The following XIST variants were observed in gnomAD, a reference collection of about 807,000 sequenced individuals.
The protein encoded by XIST is X inactive specific transcript (non-protein coding).
At chrX:73,850,355 T>A (rs1278171772) in exon 1 of XIST, 2 of 536,794 alleles carry the variant, frequency 3.7e-6, no homozygotes, top group Non-Finnish European at 6.7e-6. Context: ...AAAAACTCAT[T>A]AAATGTAATT....
chrX:73,845,155 C>T (rs755278913), exon 1 of XIST: 2 of 555,050 alleles, frequency 3.6e-6, no homozygotes, highest in Admixed American at 2.2e-5. Context: ...CAATTGTGCA[C>T]CTTGACTGTC....
exon 1 of XIST, chrX:73,850,215 C>T (rs1320416862): frequency 3.7e-6 from 2 of 547,644 alleles, no homozygotes; most frequent in African/African-American, 2.3e-5. Context: ...AAGTCAATTT[C>T]AAAGAAAATG....
At chrX:73,842,512 T>A (rs1466617882) in exon 1 of XIST, 6 of 555,286 alleles carry the variant, frequency 1.1e-5, no homozygotes, top group Non-Finnish European at 1.9e-5. Flanking sequence ...AGAAAATGAG[T>A]GAAGGCTTAT....
exon 1 of XIST, chrX:73,852,215 G>C (rs1168190152): frequency 1.8e-5 from 10 of 543,742 alleles, no homozygotes; most frequent in Non-Finnish European, 3.3e-5. Context: ...GTTCAGAGGG[G>C]AAGGGAATCA....
At chrX:73,826,353 G>A (rs1489118693) in exon 6 of XIST, 1 of 557,240 alleles carries the variant, frequency 1.8e-6, no homozygotes, top group Non-Finnish European at 3.2e-6. Flanking sequence ...TGCTCCTGAG[G>A]GAAGTTAACA....
chrX:73,851,471 A>G (rs1159070400), exon 1 of XIST: 1 of 557,163 alleles, frequency 1.8e-6, no homozygotes, highest in Non-Finnish European at 3.2e-6. Context: ...CCACTTGAAC[A>G]CTGCGACAGA....
rs975946158 is a variant in XIST at position 73,824,682 on chromosome X, T to C, written n.15219A>G. The stretch of plus-strand genomic sequence containing the variant: ...ATCAAATTTTTCATTTACAAGTGCT[T>C]TATAATTTAGAAAGCACATTCGCAA... On this transcript the variant is annotated non_coding_transcript_exon_variant, in exon 6 of 6. Transcript: ENST00000429829. The C allele has an allele frequency of 2.3e-5, 13 of 556,758 alleles. No individual in the cohort carries two copies. The African/African-American group carries it at 2.9e-4, about 12-fold the overall frequency. The allele number at this position is 556,758 out of a possible 1,213,427, so 45.9% of individuals were successfully genotyped here. A position where few individuals can be genotyped will look rare whatever the true frequency, so the allele number is the denominator to read the frequency against.
At chrX:73,820,991 T>C (rs752821560) in exon 6 of XIST, 1 of 559,101 alleles carries the variant, frequency 1.8e-6, no homozygotes, top group Non-Finnish European at 3.2e-6. Flanking sequence ...AAATGTTCTC[T>C]TATTCTTGTT....
At chrX:73,830,848 C>T (rs1396383471) in intron 4 of XIST, among the ~76,000 whole-genome samples, 1 of 111,720 alleles carries the variant, frequency 9.0e-6, no homozygotes, top group East Asian at 2.8e-4. Context: ...ACTCCAAACA[C>T]CCGAACACAT....
At chrX:73,842,099 T>C in exon 1 of XIST, 1 of 538,714 alleles carries the variant, frequency 1.9e-6, no homozygotes, top group East Asian at 3.3e-5. Flanking sequence ...ATAGTATAAA[T>C]GGATATTTTG....
rs767208057 is a variant in XIST, at chrX:73,820,790, CA to C, written n.19110del. ...CAATATTTTTCAATCTTCCAAACAG[CA>C]AAGACTCAAAAGAGATTCTGCATTT... On this transcript the variant is annotated non_coding_transcript_exon_variant, in exon 6 of 6. Transcript: ENST00000429829. 102 of 555,879 alleles carry C rather than the reference CA, an allele frequency of 1.8e-4. No homozygotes were observed. The Middle Eastern group carries it at 4.9e-3, about 27-fold the overall frequency. The allele number at this position is 555,879 out of a possible 1,213,427, so 45.8% of individuals were successfully genotyped here. A position where few individuals can be genotyped will look rare whatever the true frequency, so the allele number is the denominator to read the frequency against.
exon 1 of XIST, chrX:73,845,814 A>AGTGGGG (rs1922741177): frequency 1.1e-5 from 2 of 180,182 alleles, no homozygotes; most frequent in Non-Finnish European, 2.1e-5. Context: ...GAAGACTGGG[A>AGTGGGG]GTGGGGGTGG....
exon 6 of XIST, chrX:73,827,731 G>T: frequency 1.8e-6 from 1 of 548,848 alleles, no homozygotes; most frequent in East Asian, 3.3e-5. Flanking sequence ...CACAGCATGT[G>T]ACCCAAAAAG....
At chrX:73,850,845 T>TCCAG (rs1036427667) in exon 1 of XIST, 1 of 522,655 alleles carries the variant, frequency 1.9e-6, no homozygotes, top group Non-Finnish European at 3.4e-6. Context: ...CAGCCAGATA[T>TCCAG]CCAGCACTGC....
In XIST at chrX:73,825,972, C is replaced by T. The variant is rs180926896; in HGVS notation, n.13929G>A. On this transcript the variant is annotated non_coding_transcript_exon_variant, in exon 6 of 6. Coordinates refer to ENST00000429829, the Ensembl canonical transcript of XIST. ...AGATGGGTATTAAACCCAGGAGTAG[C>T]GTTGGCACAGTCCACCAAATTATTT... The T allele has an allele frequency of 2.1e-3, 1,170 of 557,299 alleles. 12 individuals are homozygous for T. The African/African-American group carries it at 0.022, about 11-fold the overall frequency. 45.9% of individuals were successfully genotyped at this position (557,299 alleles called of 1,213,427 possible).
At chrX:73,832,220 G>A (rs1485738533) in intron 3 of XIST, among the ~76,000 whole-genome samples, 2 of 111,051 alleles carry the variant, frequency 1.8e-5, no homozygotes, top group African/African-American at 6.6e-5. Flanking sequence ...TGTAATCTCA[G>A]CTACTCGAGA....
chrX:73,833,389 C>G (rs1233238747), intron 2 of XIST: 3 of 546,364 alleles, frequency 5.5e-6, no homozygotes, highest in African/African-American at 2.3e-5. Context: ...AGAAGAAAGA[C>G]AGGGTTCAGT....
exon 1 of XIST, chrX:73,845,592 G>A: frequency 1.8e-6 from 1 of 556,907 alleles, no homozygotes; most frequent in Non-Finnish European, 3.2e-6. Flanking sequence ...AACAGGCCAA[G>A]AAAAAGGGCC....
At chrX:73,846,620 T>C (rs369513969) in exon 1 of XIST, 1 of 558,801 alleles carries the variant, frequency 1.8e-6, no homozygotes, top group Non-Finnish European at 3.2e-6. Context: ...ACCTAGACTC[T>C]CCAAATAAAA....
Sources: allele counts gnomAD v4.1 joint callset (sites outside exome capture counted in the v4.1 genomes callset), GRCh38; gene constraint gnomAD v4.1.1; transcripts MANE v1.5; gene names NCBI Gene and HGNC (gene_info 2026-07-23, HGNC 2026-07-21).